Variants in SETBP1 observed in about 807,000 individuals in gnomAD.
SETBP1 encodes SET-binding protein.
A neutral mutation model predicts 101.0 loss-of-function variants in SETBP1; 9 were observed. That is an observed-to-expected ratio of 0.09 (90% CI 0.05 to 0.16). The LOEUF (loss-of-function observed/expected upper bound fraction) is 0.16, where lower values mean the gene tolerates loss of function less well. SETBP1 is among the 10% of genes least tolerant of loss of function. The probability of loss-of-function intolerance (pLI) is 1.00; values close to 1 mark genes in which losing one functional copy is unlikely to be tolerated. For synonymous variants in SETBP1, 818 were observed against 788.5 expected (o/e 1.04, Z -0.63); for missense variants, 1,858 against 2,033.8 (o/e 0.91, Z 1.66).
chr18:44,761,691 C>G (rs2070651739), intron 2 of SETBP1, among the ~76,000 whole-genome samples: 1 of 152,142 alleles, frequency 6.6e-6, no homozygotes, highest in Non-Finnish European at 1.5e-5. Context: ...TTAAGACAAC[C>G]TACTATATTT....
rs921596998 is a variant in SETBP1, at chr18:44,901,117, C to G, written c.540+31834C>G. On this transcript the variant is annotated intron_variant, in intron 3 of 5. Coordinates refer to ENST00000649279, the MANE Select transcript of SETBP1 (RefSeq NM_015559.3). ...ACCCTGAGAAGATTCAGCTTCCTCA[C>G]TTGGGCTAATATTGTTAATTTAGTT... 3.3e-5 allele frequency among the ~76,000 whole-genome samples: 5 copies of G among 152,298 alleles called. No homozygotes were observed. The East Asian group carries it at 5.8e-4, about 18-fold the overall frequency.
intron 5 of SETBP1, among the ~76,000 whole-genome samples, chr18:45,048,332 A>C (rs1253887207): frequency 6.6e-6 from 1 of 152,226 alleles, no homozygotes; most frequent in Admixed American, 6.5e-5. Context: ...TGAAAACACC[A>C]ATCACATATT....
intron 2 of SETBP1, among the ~76,000 whole-genome samples, chr18:44,715,350 C>T (rs946400943): frequency 3.3e-5 from 5 of 152,028 alleles, no homozygotes; most frequent in African/African-American, 1.2e-4. Flanking sequence ...CTGGCAGCAG[C>T]ACAGGGCTGT....
At chr18:44,908,156 G>A (rs1306070207) in intron 3 of SETBP1, among the ~76,000 whole-genome samples, 1 of 152,024 alleles carries the variant, frequency 6.6e-6, no homozygotes, top group South Asian at 2.1e-4. Context: ...CGCCTCCCGG[G>A]TTCAAGTGAT....
At chr18:44,921,086 C>CAA (rs1568217462) in intron 3 of SETBP1, among the ~76,000 whole-genome samples, 1 of 152,160 alleles carries the variant, frequency 6.6e-6, no homozygotes, top group Non-Finnish European at 1.5e-5. Flanking sequence ...CAGTTTACAT[C>CAA]AATTGTAAGC....
rs534218825 is a variant in SETBP1 at position 44,698,840 on chromosome 18, A to T, written c.-172-2335A>T. Among the ~76,000 whole-genome samples, 499 of 152,284 alleles carry T rather than the reference A, an allele frequency of 3.3e-3. 3 individuals carry two copies. Among genetic ancestry groups the T allele is most frequent in the Non-Finnish European group, 5.7e-3 (391 of 68,016 alleles). On this transcript the variant is annotated intron_variant, in intron 1 of 5. Transcript: ENST00000649279. ...TATTTTGATTTGAGAACAGAAAAAA[A>T]TTTTTTGTATTGAATTTTTTTTGTG...
chr18:44,696,597 G>T lies in SETBP1; in HGVS notation c.-172-4578G>T, dbSNP rs181252847. The stretch of plus-strand genomic sequence containing the variant: ...GTATAAGTCACATCTAGCCAAGCAG[G>T]ATTCCCCTGGCCATTCAGAGAAATA... On this transcript the variant is annotated intron_variant, in intron 1 of 5. Coordinates refer to ENST00000649279, the MANE Select transcript of SETBP1 (RefSeq NM_015559.3). Among the ~76,000 whole-genome samples the T allele has an allele frequency of 5.4e-4, 82 of 152,332 alleles. 3 individuals carry two copies. The highest frequency in any genetic ancestry group is 2.1e-4 in the Non-Finnish European group (14 of 68,034).
In SETBP1 at chr18:44,952,705, G is replaced by T. The variant is rs2071388708; in HGVS notation, c.3365G>T (p.Ser1122Ile). ...KHGVHLQGPV[S>I]MGLGDMQPSL... is the part of the protein sequence containing the mutation. ...GGAGTACACCTGCAGGGACCTGTTA[G>T]CATGGGCCTTGGTGACATGCAGCCT... The change falls in exon 4 of 6, where the codon AGC becomes ATC. Residue 1122 changes from serine (S) to isoleucine (I), a missense_variant. Around this residue, in one of 12 missense-constraint regions of SETBP1, gnomAD observed 417 missense variants for 389.1 expected, o/e 1.07. Transcript: ENST00000649279. The T allele has an allele frequency of 6.2e-7, 1 of 1,614,018 alleles. No homozygotes were observed. The highest frequency in any genetic ancestry group is 1.3e-5 in the African/African-American group (1 of 74,898).
chr18:44,954,344 A>AAAAAAAAAAAC (rs1568239256), intron 4 of SETBP1, among the ~76,000 whole-genome samples: 2 of 149,776 alleles, frequency 1.3e-5, no homozygotes, highest in Non-Finnish European at 3.0e-5. Flanking sequence ...AAAAAAAAAA[A>AAAAAAAAAAAC]AAAAAAAAAA....
intron 2 of SETBP1, among the ~76,000 whole-genome samples, chr18:44,841,100 T>C (rs897677321): frequency 1.3e-5 from 2 of 152,196 alleles, no homozygotes; most frequent in African/African-American, 2.4e-5. Context: ...ATTCTATCAG[T>C]TAGGAATCTA....
chr18:44,748,954 G>C (rs551419088), intron 2 of SETBP1, among the ~76,000 whole-genome samples: 2 of 152,200 alleles, frequency 1.3e-5, no homozygotes, highest in Non-Finnish European at 2.9e-5. Flanking sequence ...TCTGCTGGCT[G>C]TCTGCATCAT....
At chr18:45,001,846 A>G (rs938988671) in intron 4 of SETBP1, among the ~76,000 whole-genome samples, 4 of 152,156 alleles carry the variant, frequency 2.6e-5, no homozygotes, top group Non-Finnish European at 1.5e-5. Context: ...CGGTTAACTC[A>G]TACTGAGACT....
At chr18:44,856,393 G>GC (rs563529639) in intron 2 of SETBP1, among the ~76,000 whole-genome samples, 51 of 152,282 alleles carry the variant, frequency 3.3e-4, no homozygotes, top group African/African-American at 1.2e-3. Flanking sequence ...GCAAGTCACT[G>GC]CCCGATTTTT....
intron 2 of SETBP1, among the ~76,000 whole-genome samples, chr18:44,789,192 G>A (rs1446388928): frequency 6.6e-6 from 1 of 152,062 alleles, no homozygotes; most frequent in Non-Finnish European, 1.5e-5. Context: ...TGGATAAGAG[G>A]AGAAAAGGAT....
chr18:44,902,392 G>A (rs940171550), intron 3 of SETBP1, among the ~76,000 whole-genome samples: 2 of 149,632 alleles, frequency 1.3e-5, no homozygotes, highest in Non-Finnish European at 3.0e-5. Flanking sequence ...CTTTTAATAA[G>A]AGTAAAACTT....
At chr18:45,045,362 C>T (rs1461605253) in intron 5 of SETBP1, among the ~76,000 whole-genome samples, 2 of 152,134 alleles carry the variant, frequency 1.3e-5, no homozygotes, top group Admixed American at 6.5e-5. Context: ...ACCTGGGAGG[C>T]GGAGGTTGTA....
intron 4 of SETBP1, among the ~76,000 whole-genome samples, chr18:44,981,565 T>C (rs1445860701): frequency 1.3e-5 from 2 of 152,230 alleles, no homozygotes; most frequent in African/African-American, 4.8e-5. Context: ...TTAGAATTCA[T>C]CTTTCTGACA....
At chr18:44,985,652 G>A (rs1215581513) in intron 4 of SETBP1, among the ~76,000 whole-genome samples, 1 of 152,164 alleles carries the variant, frequency 6.6e-6, no homozygotes, top group Non-Finnish European at 1.5e-5. Flanking sequence ...TTTTTACAGT[G>A]TCTAGGTACC....
chr18:44,952,550 A>G lies in SETBP1; in HGVS notation c.3210A>G (p.Pro1070=). ...ACCTTGGTTATTACGGTCAGTACCC[A>G]GCTCCTTTGTACCTATCGCACACGC... is the stretch of plus-strand genomic sequence containing the variant. ...MMNLGYYGQY[P]APLYLSHTLG... Residue 1070 remains proline (P), a synonymous_variant, in exon 4 of 6, where the codon CCA becomes CCG. Coordinates refer to ENST00000649279, the MANE Select transcript of SETBP1 (RefSeq NM_015559.3). 1 of 1,614,114 alleles carries G rather than the reference A, an allele frequency of 6.2e-7. No homozygotes were observed. The highest frequency in any genetic ancestry group is 8.5e-7 in the Non-Finnish European group (1 of 1,180,016).
Sources: allele counts gnomAD v4.1 joint callset (sites outside exome capture counted in the v4.1 genomes callset), GRCh38; gene constraint gnomAD v4.1.1; regional missense constraint gnomAD v4.1.1; transcripts MANE v1.5; gene names NCBI Gene and HGNC (gene_info 2026-07-23, HGNC 2026-07-21).